SP140: variants seen among roughly 807,000 people sequenced by gnomAD.
SP140 encodes nuclear body protein SP140.
A neutral mutation model predicts 125.0 loss-of-function variants in SP140; 81 were observed. The ratio of observed to expected loss-of-function variants is 0.65; its 90% CI spans 0.54 to 0.78. The LOEUF (loss-of-function observed/expected upper bound fraction) is 0.78, where lower values mean the gene tolerates loss of function less well. Ranked by LOEUF, SP140 falls within the 30% of genes least tolerant of loss-of-function variation. The pLI, the probability that SP140 is intolerant of heterozygous loss-of-function variation, is 0.00. For synonymous variants in SP140, 312 were observed against 354.0 expected, an observed-to-expected ratio of 0.88 and a Z score of 1.33; for missense variants, 858 against 1,037.0, an observed-to-expected ratio of 0.83 and a Z score of 2.37.
At chr2:230,255,038 C>T (rs2050933429) in intron 11 of SP140, among the ~76,000 whole-genome samples, 2 of 152,026 alleles carry the variant, frequency 1.3e-5, no homozygotes, top group Admixed American at 1.3e-4. Flanking sequence ...AGGAAATAAA[C>T]AAGATGGGGA....
Position 230,211,360 on chromosome 2 carries a change from A to T in SP140, c.-322-2294A>T. ...TGGGTGAACTGGAAGCTGGGCCAAG[A>T]TTGCTGAGAGGCAGGAGGAGAGCCC... On this transcript the variant is annotated intron_variant, in intron 1 of 4. Transcript: ENST00000456542. The surrounding 1 kb of genome is among the most constrained non-coding windows in gnomAD (Gnocchi z 4.2). The T allele has an allele frequency of 1.3e-6, 1 of 783,126 alleles. No homozygotes were observed. The highest frequency in any genetic ancestry group is 2.5e-5 in the East Asian group (1 of 40,624). The allele number at this position is 783,126 out of a possible 1,614,324, so 48.5% of individuals were successfully genotyped here.
intron 9 of SP140, among the ~76,000 whole-genome samples, chr2:230,250,713 A>T (rs905836083): frequency 1.2e-4 from 19 of 152,098 alleles, no homozygotes; most frequent in African/African-American, 4.6e-4. Context: ...GCAAAGGCAG[A>T]AGAAATGTGC....
chr2:230,214,892 C>A, intron 3 of SP140: 2 of 1,466,552 alleles, frequency 1.4e-6, no homozygotes, highest in Non-Finnish European at 1.9e-6. Context: ...AGAAGTAAAC[C>A]CAGACTTTTA....
intron 15 of SP140, 131 bp from the exon 16 acceptor site, chr2:230,284,215 A>T: frequency 1.2e-6 from 1 of 815,170 alleles, no homozygotes; most frequent in Non-Finnish European, 1.9e-6. Flanking sequence ...TGCTACACTG[A>T]TCATAAAGTA....
At chr2:230,224,503 G>A (rs2046097001), upstream of SP140, among the ~76,000 whole-genome samples, 1 of 150,864 alleles carries the variant, frequency 6.6e-6, no homozygotes, top group Non-Finnish European at 1.5e-5. Flanking sequence ...GGGAGACAGA[G>A]GAGAGAGAGG....
intron 1 of SP140, among the ~76,000 whole-genome samples, chr2:230,229,978 C>A (rs1574880886): frequency 6.6e-6 from 1 of 151,760 alleles, no homozygotes; most frequent in South Asian, 2.1e-4. Flanking sequence ...AATATTTTCT[C>A]TGTCTTTCGT....
chr2:230,297,242 G>T (rs1009810078), intron 21 of SP140, among the ~76,000 whole-genome samples, 179 bp from the exon 22 acceptor site: 1 of 152,226 alleles, frequency 6.6e-6, no homozygotes, highest in South Asian at 2.1e-4. Context: ...GTTTCAGTTT[G>T]CTTACTTAGA....
intron 5 of SP140, 42 bp downstream of exon 5, chr2:230,243,853 C>A: frequency 7.3e-7 from 1 of 1,363,682 alleles, no homozygotes; most frequent in African/African-American, 1.4e-5. Context: ...TGCAGGGTGT[C>A]AGGAGGTGGA....
At chr2:230,200,303 A>G (rs940714451), upstream of SP140, among the ~76,000 whole-genome samples, 6 of 152,220 alleles carry the variant, frequency 3.9e-5, no homozygotes, top group Non-Finnish European at 5.9e-5. Context: ...AGTGTTATCA[A>G]CTTACTCCAG....
chr2:230,255,193 G>T (rs931495507), intron 11 of SP140, among the ~76,000 whole-genome samples: 1 of 152,158 alleles, frequency 6.6e-6, no homozygotes, highest in Admixed American at 6.6e-5. Flanking sequence ...ATGTGGAAAG[G>T]GGGAGGGGGA....
upstream of SP140, chr2:230,221,676 A>G: frequency 2.0e-6 from 3 of 1,534,846 alleles, no homozygotes; most frequent in Non-Finnish European, 2.6e-6. Flanking sequence ...AATTAAGGTT[A>G]TTTTATGCAA....
intron 12 of SP140, among the ~76,000 whole-genome samples, chr2:230,267,622 A>G (rs2053321029): frequency 6.6e-6 from 1 of 152,194 alleles, no homozygotes; most frequent in South Asian, 2.1e-4. Flanking sequence ...GAAAAGTACA[A>G]GAGTTAGAAT....
rs1197483963 is a variant in SP140, at chr2:230,308,016, C to CAG, written c.2059-1904_2059-1903dup. ...ACACACACACACACACACACACACA[C>CAG]AGAGACACACACACACACACACCAT... On this transcript the variant is annotated intron_variant, in intron 22 of 26. Transcript: ENST00000392045. Among the ~76,000 whole-genome samples, 402 of 127,410 alleles carry CAG rather than the reference C, an allele frequency of 3.2e-3. 8 individuals carry two copies. Among genetic ancestry groups the CAG allele is most frequent in the African/African-American group, 0.011 (383 of 33,828 alleles). The allele number at this position is 127,410 out of a possible 152,430, so 83.6% of individuals were successfully genotyped here.
intron 12 of SP140, among the ~76,000 whole-genome samples, chr2:230,256,121 C>T (rs528334159): frequency 4.6e-5 from 7 of 152,088 alleles, no homozygotes; most frequent in African/African-American, 2.4e-5. Context: ...GTGGTGATTC[C>T]TCAGGGATCT....
At chr2:230,278,901 T>C (rs1559317244) in intron 15 of SP140, among the ~76,000 whole-genome samples, 1 of 152,108 alleles carries the variant, frequency 6.6e-6, no homozygotes, top group Non-Finnish European at 1.5e-5. Flanking sequence ...AGTTAAATTG[T>C]CTCTGTTTGC....
chr2:230,199,480 A>AT (rs1357723693), upstream of SP140, among the ~76,000 whole-genome samples: 3 of 151,982 alleles, frequency 2.0e-5, no homozygotes, highest in Non-Finnish European at 4.4e-5. Flanking sequence ...AAGTGCTGGG[A>AT]TTATAGGCAT....
chr2:230,316,063 A>G (rs2059481834), downstream of SP140, among the ~76,000 whole-genome samples: 1 of 152,224 alleles, frequency 6.6e-6, no homozygotes, highest in Admixed American at 6.5e-5. Flanking sequence ...CTCCAGGGCA[A>G]TGTGAATCCT....
intron 15 of SP140, among the ~76,000 whole-genome samples, chr2:230,275,386 A>G (rs1559311135): frequency 6.6e-6 from 1 of 152,124 alleles, no homozygotes; most frequent in Non-Finnish European, 1.5e-5. Context: ...AATTCTCGCA[A>G]TATTTCAAAT....
At chr2:230,198,034 T>A in the SP140 span, among the ~76,000 whole-genome samples, 1 of 152,242 alleles carries the variant, frequency 6.6e-6, no homozygotes, top group African/African-American at 2.4e-5. Context: ...CAGTAACAAA[T>A]GAAACCAAAT....
Sources: allele counts gnomAD v4.1 joint callset (sites outside exome capture counted in the v4.1 genomes callset), GRCh38; gene constraint gnomAD v4.1.1; non-coding constraint Gnocchi (gnomAD v3.1); transcripts MANE v1.5; gene names NCBI Gene and HGNC (gene_info 2026-07-23, HGNC 2026-07-21).